Variants in GLI3 observed in about 807,000 individuals in gnomAD.
GLI3 encodes transcription activator GLI3.
Under a neutral mutation model 100.8 loss-of-function variants are expected in GLI3, and 20 were observed. The observed-to-expected ratio is 0.20, with a 90% confidence interval of 0.14 to 0.29. The LOEUF is 0.29. GLI3 is among the 10% of genes least tolerant of loss of function. The pLI is 1.00. For missense variants in GLI3, 2,040 were observed against 2,128.5 expected (o/e 0.96, Z 0.82); for synonymous variants, 938 against 860.5 (o/e 1.09, Z -1.58).
chr7:42,090,859 T>C lies in GLI3; in HGVS notation c.368-14002A>G, dbSNP rs560929943. Among the ~76,000 whole-genome samples the C allele has an allele frequency of 2.6e-5, 4 of 152,380 alleles. No homozygotes were observed. In the East Asian group the frequency reaches 7.7e-4, roughly 29 times the overall value. On this transcript the variant is annotated intron_variant, in intron 3 of 14. Transcript: ENST00000395925. The stretch of plus-strand genomic sequence containing the variant: ...CATATATTTTCTTGCTTATACCACA[T>C]GACAATCTAAGGAAGTAGGTATTCA...
intron 7 of GLI3, among the ~76,000 whole-genome samples, chr7:42,035,846 T>C (rs930912464): frequency 2.0e-5 from 3 of 152,234 alleles, no homozygotes; most frequent in Admixed American, 2.0e-4. Flanking sequence ...TGGCTGTATT[T>C]GATAAATATA....
chr7:42,089,154 G>A (rs1428908936), intron 3 of GLI3, among the ~76,000 whole-genome samples: 4 of 152,126 alleles, frequency 2.6e-5, no homozygotes, highest in South Asian at 2.1e-4. Flanking sequence ...TACCTTGTAC[G>A]CCTAGGTCCA....
At chr7:42,168,670 C>T (rs115760973) in intron 2 of GLI3, among the ~76,000 whole-genome samples, 3,777 of 152,168 alleles carry the variant, frequency 0.025, 163 homozygotes, top group African/African-American at 0.086. Flanking sequence ...AATCTCTGCA[C>T]CTTGGGAAGC....
chr7:42,071,095 T>G (rs992386783), intron 4 of GLI3, among the ~76,000 whole-genome samples: 22 of 152,182 alleles, frequency 1.4e-4, no homozygotes, highest in African/African-American at 5.3e-4. Flanking sequence ...AAAATAATAT[T>G]TATTTAGGAG....
chr7:42,057,956 T>C (rs969943008), intron 4 of GLI3, among the ~76,000 whole-genome samples: 2 of 152,142 alleles, frequency 1.3e-5, no homozygotes, highest in Non-Finnish European at 2.9e-5. Flanking sequence ...ACTACTGGTG[T>C]CACAGGTGCA....
intron 3 of GLI3, among the ~76,000 whole-genome samples, chr7:42,143,181 C>A (rs1052564085): frequency 1.3e-5 from 2 of 152,186 alleles, no homozygotes; most frequent in Non-Finnish European, 2.9e-5. Flanking sequence ...AGCAAGAGAC[C>A]TAGCAAAGCC....
chr7:42,227,708 G>A (rs922402904), intron 1 of GLI3: 4 of 152,196 alleles, frequency 2.6e-5, no homozygotes, highest in African/African-American at 7.2e-5. Flanking sequence ...CAGAAAGCGA[G>A]CAAGAGAACC....
chr7:42,025,786 C>T (rs538943431), intron 8 of GLI3, among the ~76,000 whole-genome samples: 43 of 152,310 alleles, frequency 2.8e-4, no homozygotes, highest in African/African-American at 9.1e-4. Flanking sequence ...CAACAGTTAA[C>T]GCAGGGCAAA....
At chr7:42,147,134 C>A (rs748936443) in intron 3 of GLI3, among the ~76,000 whole-genome samples, 3 of 152,076 alleles carry the variant, frequency 2.0e-5, no homozygotes, top group Non-Finnish European at 4.4e-5. Context: ...TGCGGGGTAG[C>A]GGTTGCTGAG....
At chr7:42,216,037 G>A (rs1788369476) in intron 2 of GLI3, among the ~76,000 whole-genome samples, 1 of 152,122 alleles carries the variant, frequency 6.6e-6, no homozygotes, top group African/African-American at 2.4e-5. Context: ...ACTATCAATA[G>A]CTAACATGTT....
chr7:42,245,695 A>AAAAC (rs1324683959), intron 1 of GLI3, among the ~76,000 whole-genome samples: 1 of 150,340 alleles, frequency 6.7e-6, no homozygotes, highest in Non-Finnish European at 1.5e-5. Flanking sequence ...AACAAAAACA[A>AAAAC]AAACAAAACA....
intron 4 of GLI3, among the ~76,000 whole-genome samples, chr7:42,052,245 C>A (rs1359881429): frequency 6.6e-6 from 1 of 152,102 alleles, no homozygotes; most frequent in African/African-American, 2.4e-5. Flanking sequence ...GAAGTTTTGG[C>A]AATTATGAAT....
intron 2 of GLI3, chr7:42,151,721 C>A (rs951015625): frequency 1.3e-5 from 2 of 152,228 alleles, no homozygotes; most frequent in East Asian, 3.8e-4. Context: ...TAAATACTGT[C>A]ATCATAATCC....
intron 4 of GLI3, among the ~76,000 whole-genome samples, chr7:42,063,395 T>C (rs1023893393): frequency 6.6e-6 from 1 of 152,152 alleles, no homozygotes; most frequent in East Asian, 1.9e-4. Context: ...AAGATAATGG[T>C]TCCCTATCAC....
chr7:42,186,407 C>G (rs952618564), intron 2 of GLI3, among the ~76,000 whole-genome samples: 2 of 152,130 alleles, frequency 1.3e-5, no homozygotes, highest in African/African-American at 4.8e-5. Flanking sequence ...GAGAGACTCA[C>G]AGAAAGAATA....
At chr7:42,008,025 T>A (rs1314344688) in intron 10 of GLI3, among the ~76,000 whole-genome samples, 1 of 152,238 alleles carries the variant, frequency 6.6e-6, no homozygotes, top group African/African-American at 2.4e-5. Context: ...GTCCCTACTT[T>A]AAACATAGGC....
At chr7:42,258,020 T>C (rs927390661) in intron 1 of GLI3, among the ~76,000 whole-genome samples, 3 of 152,212 alleles carry the variant, frequency 2.0e-5, no homozygotes, top group Non-Finnish European at 4.4e-5. Context: ...TTTCTCGTGA[T>C]GTCCTTGTCT....
intron 4 of GLI3, among the ~76,000 whole-genome samples, chr7:42,065,537 T>C (rs868268444): frequency 6.6e-6 from 1 of 152,300 alleles, no homozygotes; most frequent in African/African-American, 2.4e-5. Context: ...TTATCAGCTG[T>C]TCATTTCTGT....
intron 3 of GLI3, among the ~76,000 whole-genome samples, chr7:42,098,563 C>G (rs964020334): frequency 6.6e-6 from 1 of 152,112 alleles, no homozygotes; most frequent in Admixed American, 6.6e-5. Flanking sequence ...AGGTGTAAAA[C>G]CTACCATATA....
Sources: allele counts gnomAD v4.1 joint callset (sites outside exome capture counted in the v4.1 genomes callset), GRCh38; gene constraint gnomAD v4.1.1; transcripts MANE v1.5; gene names NCBI Gene and HGNC (gene_info 2026-07-23, HGNC 2026-07-21).